Variants in STON2 observed in about 807,000 individuals in gnomAD.
STON2 encodes the protein stonin 2, also known as stonin-2.
A neutral mutation model predicts 65.7 loss-of-function variants in STON2; 29 were observed. The ratio of observed to expected loss-of-function variants is 0.44; its 90% CI spans 0.33 to 0.60. The LOEUF is 0.60. STON2 is among the 20% of genes least tolerant of loss of function. The pLI is 0.03. For synonymous variants in STON2, 404 were observed against 414.2 expected (o/e 0.98, Z 0.30); for missense variants, 1,054 against 1,118.1 (o/e 0.94, Z 0.82).
At chr14:81,313,488 T>C (rs922581756) in intron 5 of STON2, among the ~76,000 whole-genome samples, 6 of 150,922 alleles carry the variant, frequency 4.0e-5, no homozygotes, top group African/African-American at 1.5e-4. Context: ...AGAAAGAAAA[T>C]TGATTAAAAA....
At chr14:81,309,455 A>G (rs879884800) in intron 5 of STON2, among the ~76,000 whole-genome samples, 1 of 152,142 alleles carries the variant, frequency 6.6e-6, no homozygotes, top group Non-Finnish European at 1.5e-5. Context: ...ATTTATTTAC[A>G]TGTACTTTAA....
At chr14:81,433,812 T>C (rs980000188) in intron 1 of STON2, among the ~76,000 whole-genome samples, 1 of 152,206 alleles carries the variant, frequency 6.6e-6, no homozygotes, top group African/African-American at 2.4e-5. Context: ...ACACTGGACA[T>C]GCAGCATGAG....
At chr14:81,309,050 G>A (rs1896321680) in intron 5 of STON2, among the ~76,000 whole-genome samples, 1 of 147,788 alleles carries the variant, frequency 6.8e-6, no homozygotes, top group South Asian at 2.2e-4. Flanking sequence ...GCTTTGCCCT[G>A]CTTCTATGAG....
chr14:81,428,637 C>A (rs935027172), intron 1 of STON2, among the ~76,000 whole-genome samples: 1 of 152,106 alleles, frequency 6.6e-6, no homozygotes, highest in Non-Finnish European at 1.5e-5. Flanking sequence ...ACATGAGAAT[C>A]GCTTGAACCC....
At chr14:81,435,440 T>C (rs1902379050) in intron 1 of STON2, among the ~76,000 whole-genome samples, 1 of 152,084 alleles carries the variant, frequency 6.6e-6, no homozygotes, top group Non-Finnish European at 1.5e-5. Flanking sequence ...TTGGCTCATA[T>C]AATCCTCAAA....
At chr14:81,349,733 T>C (rs1030531751) in intron 4 of STON2, among the ~76,000 whole-genome samples, 3 of 152,130 alleles carry the variant, frequency 2.0e-5, no homozygotes, top group African/African-American at 7.2e-5. Flanking sequence ...TGGGTATTTA[T>C]CCAAAGGAAA....
At chr14:81,366,569 C>T (rs1898738027) in intron 4 of STON2, among the ~76,000 whole-genome samples, 1 of 149,300 alleles carries the variant, frequency 6.7e-6, no homozygotes, top group Non-Finnish European at 1.5e-5. Context: ...AAGGGCACGG[C>T]AGGGGGTGGG....
chr14:81,370,937 G>C (rs1394345178), intron 4 of STON2, 51 bp downstream of exon 4: 1 of 1,556,892 alleles, frequency 6.4e-7, no homozygotes, highest in Admixed American at 1.7e-5. Flanking sequence ...AGTGGACCTG[G>C]GTACACCAAA....
At chr14:81,424,712 A>G (rs894781981) in intron 2 of STON2, among the ~76,000 whole-genome samples, 3 of 152,134 alleles carry the variant, frequency 2.0e-5, no homozygotes, top group African/African-American at 7.2e-5. Flanking sequence ...CTGGGCTCTC[A>G]TCTCAGTGGC....
chr14:81,333,865 G>C (rs1331861848), intron 4 of STON2, among the ~76,000 whole-genome samples: 1 of 152,204 alleles, frequency 6.6e-6, no homozygotes, highest in Non-Finnish European at 1.5e-5. Context: ...AGGGAGATCA[G>C]CTTGTCATGG....
chr14:81,403,814 G>C (rs946771337), upstream of STON2, among the ~76,000 whole-genome samples: 11 of 152,130 alleles, frequency 7.2e-5, no homozygotes, highest in Admixed American at 2.0e-4. Context: ...CAAAAACTCT[G>C]ATCTATGGTG....
intron 5 of STON2, among the ~76,000 whole-genome samples, chr14:81,312,789 AC>A (rs1358825215): frequency 1.3e-5 from 2 of 152,346 alleles, no homozygotes; most frequent in African/African-American, 4.8e-5. Context: ...CCTTTTGAAA[AC>A]TGGTAATTTT....
chr14:81,363,432 A>C (rs1304995525), intron 4 of STON2, among the ~76,000 whole-genome samples: 1 of 152,192 alleles, frequency 6.6e-6, no homozygotes, highest in Non-Finnish European at 1.5e-5. Context: ...GCCAAATGGT[A>C]GGAACTCAAT....
intron 3 of STON2, among the ~76,000 whole-genome samples, chr14:81,389,091 C>T (rs936836757): frequency 6.6e-6 from 1 of 152,084 alleles, no homozygotes; most frequent in African/African-American, 2.4e-5. Context: ...TGAAGACATC[C>T]GATCAGAAAG....
intron 4 of STON2, among the ~76,000 whole-genome samples, chr14:81,370,427 T>C (rs998523439): frequency 2.0e-5 from 3 of 152,222 alleles, no homozygotes; most frequent in Non-Finnish European, 4.4e-5. Flanking sequence ...ATCTTACACC[T>C]ACTGGAAAGT....
chr14:81,400,460 C>T (rs1441475715), upstream of STON2, among the ~76,000 whole-genome samples: 1 of 142,688 alleles, frequency 7.0e-6, no homozygotes, highest in African/African-American at 2.7e-5. Context: ...GCATGTAAAC[C>T]AGCCCCACAG....
intron 2 of STON2, among the ~76,000 whole-genome samples, chr14:81,426,378 G>A (rs1403851562): frequency 6.6e-6 from 1 of 152,144 alleles, no homozygotes; most frequent in African/African-American, 2.4e-5. Flanking sequence ...CAGTGAAGCT[G>A]GCATGTCCCC....
intron 7 of STON2, chr14:81,269,828 G>A (rs1222460359): frequency 2.0e-6 from 2 of 985,166 alleles, no homozygotes; most frequent in African/African-American, 3.5e-5. Flanking sequence ...TTCTATTTAT[G>A]TCAGAAAACT....
chr14:81,330,844 G>A (rs1897184736), intron 4 of STON2, among the ~76,000 whole-genome samples: 1 of 152,188 alleles, frequency 6.6e-6, no homozygotes, highest in African/African-American at 2.4e-5. Context: ...TTACAGACAG[G>A]ACTATGCAAT....
Sources: gnomAD v4.1 joint callset for allele counts (sites outside exome capture counted in the v4.1 genomes callset) on GRCh38, gnomAD v4.1.1 for gene constraint, MANE v1.5 for transcripts, NCBI Gene and HGNC (gene_info 2026-07-23, HGNC 2026-07-21) for gene names.